Variants in LPP observed in about 807,000 individuals in gnomAD.
The protein encoded by LPP is LIM domain containing preferred translocation partner in lipoma, also known as lipoma-preferred partner.
A neutral mutation model predicts 60.4 loss-of-function variants in LPP; 38 were observed. The observed-to-expected ratio is 0.63, with a 90% CI of 0.49 to 0.83. LPP has a LOEUF of 0.83. LPP is among the 40% of genes least tolerant of loss of function. The pLI is 0.00. For synonymous variants in LPP, 328 were observed against 290.8 expected, an observed-to-expected ratio of 1.13 and a Z score of -1.30; for missense variants, 902 against 783.6, an observed-to-expected ratio of 1.15 and a Z score of -1.80.
chr3:188,666,443 G>A lies in LPP; in HGVS notation c.1114-41824G>A, dbSNP rs1024416665. Among the ~76,000 whole-genome samples, 6 of 152,194 alleles carry A rather than the reference G, an allele frequency of 3.9e-5. No individual in the cohort carries two copies. In the South Asian group the frequency reaches 1.0e-3, roughly 26 times the overall value. The stretch of plus-strand genomic sequence containing the variant: ...CCTCTAGATTTAAAAGGTTCATCAA[G>A]GCAGTATAACTTAGTAGAAAGAATA... On this transcript the variant is annotated intron_variant, in intron 7 of 11. Transcript: ENST00000617246.
chr3:188,422,755 T>C (rs1360957300), intron 4 of LPP, among the ~76,000 whole-genome samples: 1 of 152,158 alleles, frequency 6.6e-6, no homozygotes, highest in East Asian at 1.9e-4. Context: ...TTCAGTTGGA[T>C]AGTTCTGGTC....
At chr3:188,262,574 C>T (rs891209576) in intron 2 of LPP, among the ~76,000 whole-genome samples, 2 of 151,920 alleles carry the variant, frequency 1.3e-5, no homozygotes, top group South Asian at 2.1e-4. Flanking sequence ...TTAAAATAAA[C>T]TTATCTCACC....
intron 5 of LPP, among the ~76,000 whole-genome samples, chr3:188,509,870 G>GTCGTTTTTTTTTTTTTTTTTT: frequency 2.3e-5 from 1 of 44,158 alleles, no homozygotes; most frequent in Non-Finnish European, 5.3e-5. Flanking sequence ...TTTTTTTTTT[G>GTCGTTTTTTTTTTTTTTTTTT]TTGTTTTTTT....
At chr3:188,734,341 G>C (rs1034703994) in intron 8 of LPP, among the ~76,000 whole-genome samples, 5 of 152,258 alleles carry the variant, frequency 3.3e-5, no homozygotes, top group South Asian at 2.1e-4. Context: ...AAGAATTTAA[G>C]TCTTGAAATT....
At chr3:188,533,597 A>G (rs1822782663) in intron 6 of LPP, among the ~76,000 whole-genome samples, 1 of 152,242 alleles carries the variant, frequency 6.6e-6, no homozygotes, top group Non-Finnish European at 1.5e-5. Flanking sequence ...GAGCTATGGT[A>G]AAAGTTGAAA....
intron 1 of LPP, among the ~76,000 whole-genome samples, chr3:188,172,459 T>G (rs1721854702): frequency 6.6e-6 from 1 of 152,218 alleles, no homozygotes; most frequent in Admixed American, 6.5e-5. Context: ...ATGTGATAAG[T>G]GCCCATTAAA....
intron 7 of LPP, among the ~76,000 whole-genome samples, chr3:188,679,017 A>G (rs1053257557): frequency 4.6e-5 from 7 of 152,202 alleles, no homozygotes; most frequent in Non-Finnish European, 8.8e-5. Context: ...TAGGCAACCC[A>G]TAATAGAAAT....
chr3:188,772,860 T>C (rs1736529097), intron 9 of LPP, among the ~76,000 whole-genome samples: 2 of 152,090 alleles, frequency 1.3e-5, no homozygotes, highest in Admixed American at 1.3e-4. Context: ...CTCCCCACAG[T>C]CATTGACTCA....
At chr3:188,232,504 A>ATTTTTTTTTTTT (rs71634069) in intron 2 of LPP, among the ~76,000 whole-genome samples, 240 of 103,194 alleles carry the variant, frequency 2.3e-3, no homozygotes, top group Non-Finnish European at 2.8e-3. Flanking sequence ...ACACCCGGCT[A>ATTTTTTTTTTTT]TTTTTTTTTT....
intron 2 of LPP, among the ~76,000 whole-genome samples, chr3:188,328,900 G>A (rs953499716): frequency 2.6e-5 from 4 of 152,142 alleles, no homozygotes; most frequent in Admixed American, 6.6e-5. Flanking sequence ...AGATTGATAC[G>A]TTTCAATGCA....
chr3:188,268,947 T>C (rs1736631314), intron 2 of LPP, among the ~76,000 whole-genome samples: 1 of 152,180 alleles, frequency 6.6e-6, no homozygotes, highest in African/African-American at 2.4e-5. Flanking sequence ...TGGCTAGAAA[T>C]ATAGAGAAGA....
chr3:188,277,984 G>A (rs1312007503), intron 2 of LPP, among the ~76,000 whole-genome samples: 1 of 152,184 alleles, frequency 6.6e-6, no homozygotes, highest in Non-Finnish European at 1.5e-5. Context: ...CCATGATTTA[G>A]CCCTCTAACT....
chr3:188,302,170 T>G (rs1359668197), intron 2 of LPP, among the ~76,000 whole-genome samples: 2 of 152,148 alleles, frequency 1.3e-5, no homozygotes, highest in African/African-American at 2.4e-5. Context: ...GCATTTACTC[T>G]CTCGTTTAAT....
intron 5 of LPP, among the ~76,000 whole-genome samples, chr3:188,516,752 C>T (rs187071462): frequency 2.0e-4 from 31 of 151,930 alleles, no homozygotes; most frequent in East Asian, 7.8e-4. Flanking sequence ...CTAGCACCTA[C>T]GAACTTGGTA....
intron 5 of LPP, among the ~76,000 whole-genome samples, chr3:188,504,107 C>T (rs1333041104): frequency 6.6e-6 from 1 of 152,210 alleles, no homozygotes; most frequent in Admixed American, 6.5e-5. Flanking sequence ...CCACAGGTCT[C>T]TTAGGCTCAG....
intron 2 of LPP, among the ~76,000 whole-genome samples, chr3:188,286,995 G>C (rs573109290): frequency 6.6e-6 from 1 of 152,212 alleles, no homozygotes; most frequent in African/African-American, 2.4e-5. Flanking sequence ...CCTCCTCCCA[G>C]CTTCAAGCAA....
chr3:188,790,874 G>A (rs1235785278), intron 9 of LPP, among the ~76,000 whole-genome samples: 1 of 151,482 alleles, frequency 6.6e-6, no homozygotes, highest in Non-Finnish European at 1.5e-5. Context: ...CTTATTCTAG[G>A]TAGCGATGGT....
At position 188,466,804 on chromosome 3, in the gene LPP, A is replaced by AATATATATATATATATATATATATAT. The variant is rs375483583; in HGVS notation, c.194-17787_194-17786insTATATATATATATATATATATATATA. 4.1e-4 allele frequency among the ~76,000 whole-genome samples: 30 copies of AATATATATATATATATATATATATAT among 72,942 alleles called. 5 individuals carry two copies. The highest frequency in any genetic ancestry group is 5.0e-4 in the Admixed American group (3 of 5,976). 47.9% of individuals were successfully genotyped at this position (72,942 alleles called of 152,430 possible). On this transcript the variant is annotated intron_variant, in intron 4 of 11. Transcript: ENST00000617246. Reference sequence around the variant, plus strand: ...AAAAAAGTGGTTTCTGTCATCTCAGAACATATATATATATATATATATATA... The same window carrying AATATATATATATATATATATATATAT: ...AAAAAAGTGGTTTCTGTCATCTCAGAATATATATATATATATATATATATATACATATATATATATATATATATATA...
At chr3:188,462,592 G>GTA (rs1343808550) in intron 4 of LPP, among the ~76,000 whole-genome samples, 25 of 4,804 alleles carry the variant, frequency 5.2e-3, no homozygotes, top group Non-Finnish European at 8.0e-3. Context: ...ATATGCATGT[G>GTA]TGTGTGTGTG....
Sources: allele counts gnomAD v4.1 joint callset (sites outside exome capture counted in the v4.1 genomes callset), GRCh38; gene constraint gnomAD v4.1.1; transcripts MANE v1.5; gene names NCBI Gene and HGNC (gene_info 2026-07-23, HGNC 2026-07-21).